ARMC2: variants seen among roughly 807,000 people sequenced by gnomAD.
The protein encoded by ARMC2 is armadillo repeat containing 2.
ARMC2 carries 67 observed loss-of-function variants against 90.3 expected under a neutral mutation model. The ratio of observed to expected loss-of-function variants is 0.74; its 90% CI spans 0.61 to 0.91. The LOEUF (loss-of-function observed/expected upper bound fraction) is 0.91. Among genes scored for constraint, ARMC2 ranks in the 40% least tolerant of loss-of-function variants. The probability of loss-of-function intolerance (pLI) is 0.00; values close to 1 mark genes in which losing one functional copy is unlikely to be tolerated. For synonymous variants in ARMC2, 393 were observed against 393.0 expected, an observed-to-expected ratio of 1.00 and a Z score of 0.00; for missense variants, 920 against 1,030.9, an observed-to-expected ratio of 0.89 and a Z score of 1.47.
chr6:108,992,745 G>A, the ARMC2 span: 1 of 1,233,002 alleles, frequency 8.1e-7, no homozygotes, highest in Non-Finnish European at 1.2e-6. Context: ...GTCAGACTGA[G>A]ATATTTCTAG....
the ARMC2 span, among the ~76,000 whole-genome samples, chr6:109,045,850 A>G: frequency 6.6e-6 from 1 of 152,094 alleles, no homozygotes; most frequent in Admixed American, 6.5e-5. Flanking sequence ...CTGGCATGGA[A>G]TGTTACACAG....
At chr6:109,052,542 TA>T in the ARMC2 span, among the ~76,000 whole-genome samples, 1 of 152,208 alleles carries the variant, frequency 6.6e-6, no homozygotes, top group Admixed American at 6.5e-5. Flanking sequence ...AATGTTCACT[TA>T]AAGTTTTAAT....
At position 108,869,007 on chromosome 6, in the gene ARMC2, T is replaced by A; in HGVS notation, c.463+12T>A. ...TCCTCCCTCCGACTGTAAGGCCATG[T>A]AACATCCTGTAATCTCTGGGGACAG... On this transcript the variant is annotated intron_variant, in intron 4 of 17. Transcript: ENST00000392644. 6.3e-7 allele frequency: 1 copy of A among 1,587,454 alleles called. No individual in the cohort carries two copies. The highest frequency in any genetic ancestry group is 8.6e-7 in the Non-Finnish European group (1 of 1,166,836).
intron 5 of ARMC2, among the ~76,000 whole-genome samples, chr6:108,878,971 A>G (rs996662979): frequency 2.6e-5 from 4 of 151,364 alleles, no homozygotes; most frequent in African/African-American, 9.7e-5. Flanking sequence ...TCATCCACCC[A>G]TCCAACTGTC....
the ARMC2 span, among the ~76,000 whole-genome samples, chr6:108,987,806 CTTT>C: frequency 8.1e-5 from 11 of 135,550 alleles, no homozygotes; most frequent in African/African-American, 8.5e-5. Flanking sequence ...CAGCAGCTAT[CTTT>C]TTTTTTTTTT....
At chr6:108,924,375 G>C (rs1032330574) in intron 10 of ARMC2, among the ~76,000 whole-genome samples, 83 of 152,272 alleles carry the variant, frequency 5.5e-4, no homozygotes, top group African/African-American at 1.9e-3. Flanking sequence ...AAAATTAGCA[G>C]GGTGTGGTGG....
At chr6:108,961,056 C>T (rs1305963474) in intron 13 of ARMC2, among the ~76,000 whole-genome samples, 1 of 152,138 alleles carries the variant, frequency 6.6e-6, no homozygotes, top group Admixed American at 6.5e-5. Flanking sequence ...AGAAGAGAAG[C>T]CAGCAAGTGC....
the ARMC2 span, chr6:109,002,160 A>G: frequency 2.5e-6 from 2 of 811,166 alleles, no homozygotes; most frequent in Admixed American, 4.5e-5. Context: ...GATTAACTGC[A>G]ACCAACTCTG....
At chr6:108,899,567 G>A (rs1583048988) in intron 6 of ARMC2, 127 bp from the exon 7 acceptor site, 3 of 723,534 alleles carry the variant, frequency 4.1e-6, no homozygotes, top group Non-Finnish European at 7.2e-6. Flanking sequence ...AGTCAGGCTT[G>A]GAGAGCAAAG....
the ARMC2 span, among the ~76,000 whole-genome samples, chr6:109,034,871 A>G: frequency 6.6e-6 from 1 of 152,228 alleles, no homozygotes; most frequent in Non-Finnish European, 1.5e-5. Flanking sequence ...GAGCTGCTAA[A>G]CCAGTCCTGC....
rs566029608 is a variant in ARMC2, at chr6:108,898,854, T to C, written c.749-840T>C. 5.9e-5 allele frequency among the ~76,000 whole-genome samples: 9 copies of C among 152,304 alleles called. No individual in the cohort carries two copies. In the East Asian group the frequency reaches 1.5e-3, roughly 26 times the overall value. Reference sequence around the variant, plus strand: ...TCTAGAGTACACAGTCAATGGTTGCTATTCCCTACAACCCATATTCACAGG... The same window carrying C: ...TCTAGAGTACACAGTCAATGGTTGCCATTCCCTACAACCCATATTCACAGG... On this transcript the variant is annotated intron_variant, in intron 6 of 17. Coordinates refer to ENST00000392644, the MANE Select transcript of ARMC2 (RefSeq NM_032131.6).
chr6:108,938,270 A>G (rs1776125081), intron 12 of ARMC2, among the ~76,000 whole-genome samples: 1 of 152,150 alleles, frequency 6.6e-6, no homozygotes. Context: ...ACCCCAAAAC[A>G]TAATCTCTGT....
At chr6:108,985,550 CT>C in the ARMC2 span, among the ~76,000 whole-genome samples, 2 of 152,154 alleles carry the variant, frequency 1.3e-5, no homozygotes, top group Non-Finnish European at 2.9e-5. Flanking sequence ...ATCACATGCA[CT>C]TTTATTACTT....
At chr6:109,037,368 C>T in the ARMC2 span, among the ~76,000 whole-genome samples, 6 of 152,086 alleles carry the variant, frequency 3.9e-5, no homozygotes, top group Middle Eastern at 3.4e-3. Flanking sequence ...ATTATTAGGC[C>T]GTAGAAACCA....
At position 108,895,440 on chromosome 6, in the gene ARMC2, C is replaced by T. The variant is rs182691487; in HGVS notation, c.748+897C>T. Among the ~76,000 whole-genome samples the T allele has an allele frequency of 4.2e-3, 619 of 146,972 alleles. 3 individuals carry two copies. Among genetic ancestry groups the T allele is most frequent in the African/African-American group, 0.014 (576 of 39,898 alleles). ...TGGAGTTTGCAGTGAGTCTAGACCACGCCGCTGCACTCCAGCCTGGGCGAC... is the reference window on the plus strand; with the variant it reads ...TGGAGTTTGCAGTGAGTCTAGACCATGCCGCTGCACTCCAGCCTGGGCGAC... On this transcript the variant is annotated intron_variant, in intron 6 of 17. Transcript: ENST00000392644.
chr6:109,049,677 T>C, the ARMC2 span, among the ~76,000 whole-genome samples: 1 of 150,656 alleles, frequency 6.6e-6, no homozygotes. Flanking sequence ...AAATAAAAAA[T>C]AAAAAGGAGA....
intron 2 of ARMC2, among the ~76,000 whole-genome samples, chr6:108,855,498 G>A (rs1178077116): frequency 1.3e-5 from 2 of 152,130 alleles, no homozygotes; most frequent in East Asian, 1.9e-4. Context: ...TGATCCACCC[G>A]CCTCTGCCTC....
At chr6:108,876,398 T>A in intron 5 of ARMC2, 48 bp downstream of exon 5, 1 of 1,539,986 alleles carries the variant, frequency 6.5e-7, no homozygotes, top group Non-Finnish European at 8.8e-7. Flanking sequence ...ATGGTATCAT[T>A]TACCAGTTTC....
At chr6:109,003,457 G>C in the ARMC2 span, among the ~76,000 whole-genome samples, 4 of 152,050 alleles carry the variant, frequency 2.6e-5, no homozygotes, top group Admixed American at 1.3e-4. Flanking sequence ...CTTTAAAGCA[G>C]AACAGGCTTT....
Sources: allele counts gnomAD v4.1 joint callset (sites outside exome capture counted in the v4.1 genomes callset), GRCh38; gene constraint gnomAD v4.1.1; transcripts MANE v1.5; gene names NCBI Gene and HGNC (gene_info 2026-07-23, HGNC 2026-07-21).